The following TMCO4 variants were observed in gnomAD, a reference collection of about 807,000 sequenced individuals.
TMCO4 encodes transmembrane and coiled-coil domains 4.
A neutral mutation model predicts 64.7 loss-of-function variants in TMCO4; 58 were observed. The observed-to-expected ratio is 0.90, with a 90% CI of 0.73 to 1.12. The LOEUF (loss-of-function observed/expected upper bound fraction) is 1.12, where lower values mean the gene tolerates loss of function less well. Ranked by LOEUF, TMCO4 falls within the 50% of genes most tolerant of loss-of-function variation. The pLI is 0.00. For missense variants in TMCO4, 780 were observed against 825.9 expected (o/e 0.94, Z 0.68); for synonymous variants, 325 against 346.1 (o/e 0.94, Z 0.68).
rs1253255013 is a variant in TMCO4, at chr1:19,683,108, C to T, written c.1837G>A (p.Asp613Asn). The change falls in exon 16 of 16, where the codon GAC becomes AAC. Residue 613 changes from aspartate to asparagine, a missense_variant. By Grantham distance (23) the Asp-to-Asn change is conservative. Coordinates refer to ENST00000294543, the MANE Select transcript of TMCO4 (RefSeq NM_181719.7). ...TCGGGGCAGCCCAGTGGGTTGGGGT[C>T]CATGCCATGGCTGCAGATGGGGGGC... ...ERPPICSHGMDPNPLGCPDCA... is the reference protein window; with the variant it reads ...ERPPICSHGMNPNPLGCPDCA... 2 of 1,612,416 alleles carry T rather than the reference C, an allele frequency of 1.2e-6. No homozygotes were observed. Among genetic ancestry groups the T allele is most frequent in the South Asian group, 1.1e-5 (1 of 90,752 alleles).
rs146054967 is a variant in TMCO4, at chr1:19,722,274, T to C, written c.1264+15098A>G. ...TGAAATGAGGCCCAGCATATCAGCC[T>C]CGATAAGATGTTCTAGCAGTGCCTT... On this transcript the variant is annotated intron_variant, in intron 13 of 15. Coordinates refer to ENST00000294543, the MANE Select transcript of TMCO4 (RefSeq NM_181719.7). 5.5e-3 allele frequency among the ~76,000 whole-genome samples: 836 copies of C among 152,250 alleles called. 6 individuals carry two copies. Among genetic ancestry groups the C allele is most frequent in the African/African-American group, 0.019 (787 of 41,538 alleles).
At chr1:19,720,978 A>G (rs2095379944) in intron 13 of TMCO4, among the ~76,000 whole-genome samples, 1 of 152,072 alleles carries the variant, frequency 6.6e-6, no homozygotes, top group South Asian at 2.1e-4. Context: ...TCCATTACAG[A>G]GTGCTGGGAA....
intron 12 of TMCO4, 73 bp from the exon 13 acceptor site, chr1:19,737,529 G>A (rs2095460729): frequency 2.2e-6 from 3 of 1,373,722 alleles, no homozygotes; most frequent in Non-Finnish European, 1.0e-6. Flanking sequence ...CCTGAGGAGG[G>A]CAGCCTTTGC....
intron 4 of TMCO4, among the ~76,000 whole-genome samples, chr1:19,777,118 C>T (rs60369221): frequency 0.044 from 6,657 of 151,552 alleles, 486 homozygotes; most frequent in African/African-American, 0.15. Context: ...AGGTTGGGCA[C>T]GTGACAGGAT....
chr1:19,796,457 G>C (rs1160999849), intron 2 of TMCO4, among the ~76,000 whole-genome samples: 2 of 152,196 alleles, frequency 1.3e-5, no homozygotes, highest in Admixed American at 6.5e-5. Flanking sequence ...GTCAGGGTGA[G>C]AGTGGATGAA....
At chr1:19,692,003 G>C (rs2095199038) in intron 15 of TMCO4, among the ~76,000 whole-genome samples, 1 of 152,100 alleles carries the variant, frequency 6.6e-6, no homozygotes, top group Non-Finnish European at 1.5e-5. Flanking sequence ...TGATTGTGAG[G>C]CCTCCCCAGC....
intron 2 of TMCO4, among the ~76,000 whole-genome samples, chr1:19,791,152 T>TCAGCGGGTGGGATGC (rs1281022163): frequency 1.3e-5 from 2 of 152,050 alleles, no homozygotes; most frequent in Non-Finnish European, 2.9e-5. Flanking sequence ...CTGGGGCCTG[T>TCAGCGGGTGGGATGC]CAGCGGGTGG....
intron 7 of TMCO4, among the ~76,000 whole-genome samples, chr1:19,752,275 C>CACTG (rs1467528215): frequency 6.6e-6 from 1 of 152,178 alleles, no homozygotes. Context: ...TTGTTGTCAT[C>CACTG]ACTGACTGCC....
chr1:19,789,948 G>A (rs2043945020), intron 2 of TMCO4, among the ~76,000 whole-genome samples: 1 of 151,634 alleles, frequency 6.6e-6, no homozygotes, highest in South Asian at 2.1e-4. Context: ...AGCTACTCGG[G>A]AGGGTGAGGT....
intron 4 of TMCO4, among the ~76,000 whole-genome samples, chr1:19,778,496 A>G (rs1050797519): frequency 3.3e-5 from 5 of 151,620 alleles, no homozygotes; most frequent in African/African-American, 1.2e-4. Context: ...CTGGTCTCAA[A>G]CTCCTGAGCA....
intron 2 of TMCO4, among the ~76,000 whole-genome samples, chr1:19,796,985 A>T (rs74058665): frequency 0.042 from 6,468 of 152,306 alleles, 298 homozygotes; most frequent in African/African-American, 0.12. Flanking sequence ...TTGGGTCACA[A>T]TCCCTGATAC....
chr1:19,735,338 T>C (rs1191396527), intron 13 of TMCO4, among the ~76,000 whole-genome samples: 1 of 152,140 alleles, frequency 6.6e-6, no homozygotes, highest in Non-Finnish European at 1.5e-5. Context: ...CCAGAGAGGT[T>C]AAGTGACTAG....
intron 3 of TMCO4, among the ~76,000 whole-genome samples, chr1:19,781,804 A>G (rs904872639): frequency 6.6e-6 from 1 of 151,826 alleles, no homozygotes; most frequent in South Asian, 2.1e-4. Context: ...CCACTACCAC[A>G]CCTGGCTAAC....
chr1:19,780,596 G>T lies in TMCO4; in HGVS notation c.163C>A (p.Pro55Thr). 6.2e-7 allele frequency: 1 copy of T among 1,604,572 alleles called. No homozygotes were observed. Among genetic ancestry groups the T allele is most frequent in the Admixed American group, 1.7e-5 (1 of 57,628 alleles). ...AGAACTCACCTGTGTTCGGGTTCAG[G>T]AAATAACTGGGACAGGGAGATGCCA... is the stretch of plus-strand genomic sequence containing the variant. Reference protein sequence around the residue: ...LCGISLSQLFPEPEHSSFCTE... With the variant: ...LCGISLSQLFTEPEHSSFCTE... Residue 55 changes from proline (P) to threonine (T), a missense_variant, in exon 4 of 16, where the codon CCT (proline) becomes ACT (threonine). Physicochemically the swap from Pro to Thr is conservative, Grantham distance 38. Coordinates refer to ENST00000294543, the MANE Select transcript of TMCO4 (RefSeq NM_181719.7).
chr1:19,721,126 C>T (rs1258631130), intron 13 of TMCO4, among the ~76,000 whole-genome samples: 1 of 152,094 alleles, frequency 6.6e-6, no homozygotes, highest in Admixed American at 6.5e-5. Flanking sequence ...TGGACTGAGA[C>T]TCACGCATGG....
rs534456252 is a variant in TMCO4 at position 19,780,722 on chromosome 1, G to C, written c.37C>G (p.Gln13Glu). The C allele has an allele frequency of 5.6e-6, 9 of 1,606,332 alleles. No individual in the cohort carries two copies. In the Admixed American group the frequency reaches 1.0e-4, roughly 19 times the overall value. The change falls in exon 4 of 16, where the codon CAG becomes GAG. Residue 13 changes from glutamine to glutamate, a missense_variant. Physicochemically the swap from Gln to Glu is conservative, Grantham distance 29. Coordinates refer to ENST00000294543, the MANE Select transcript of TMCO4 (RefSeq NM_181719.7). The part of the protein sequence containing the change: ...MWNRPCQRLP[Q>E]QPLVAEPTAE... ...GTGGGCTCAGCTACCAGAGGCTGCT[G>C]AGGCAGCCTCTGGCATGGCCTGTTC...
At chr1:19,771,644 G>A (rs2042987475) in intron 4 of TMCO4, among the ~76,000 whole-genome samples, 162 bp from the exon 5 acceptor site, 1 of 152,154 alleles carries the variant, frequency 6.6e-6, no homozygotes, top group South Asian at 2.1e-4. Flanking sequence ...CATCTTGGGT[G>A]ATGTAAATTT....
chr1:19,731,215 C>T (rs934072607), intron 13 of TMCO4, among the ~76,000 whole-genome samples: 1 of 152,188 alleles, frequency 6.6e-6, no homozygotes, highest in Non-Finnish European at 1.5e-5. Context: ...ACTGGAGGTT[C>T]TGACCCTGTG....
intron 13 of TMCO4, among the ~76,000 whole-genome samples, chr1:19,725,709 C>T (rs2095405872): frequency 6.6e-6 from 1 of 152,190 alleles, no homozygotes; most frequent in Non-Finnish European, 1.5e-5. Context: ...GCTAGGAATT[C>T]TGACTATGCT....
Sources: allele counts gnomAD v4.1 joint callset (sites outside exome capture counted in the v4.1 genomes callset), GRCh38; gene constraint gnomAD v4.1.1; transcripts MANE v1.5; gene names NCBI Gene and HGNC (gene_info 2026-07-23, HGNC 2026-07-21).